PHAF1: variants seen among roughly 807,000 people sequenced by gnomAD.
The protein encoded by PHAF1 is phagophore assembly factor 1, also known as phagosome assembly factor 1.
In PHAF1, 23 loss-of-function variants were observed where a neutral mutation model predicts 63.1. The ratio of observed to expected loss-of-function variants is 0.36; its 90% CI spans 0.26 to 0.52. PHAF1 has a LOEUF of 0.52. Ranked by LOEUF, PHAF1 falls within the 20% of genes least tolerant of loss-of-function variation. The pLI, the probability that PHAF1 is intolerant of heterozygous loss-of-function variation, is 0.93. For missense variants in PHAF1, 427 were observed against 517.2 expected (o/e 0.83, Z 1.69); for synonymous variants, 167 against 185.0 (o/e 0.90, Z 0.79).
At chr16:67,113,926 C>T (rs1490369796) in intron 1 of PHAF1, among the ~76,000 whole-genome samples, 1 of 151,948 alleles carries the variant, frequency 6.6e-6, no homozygotes, top group African/African-American at 2.4e-5. Context: ...TGGTCTCGAA[C>T]TCCTGACTTC....
chr16:67,145,601 C>T lies in PHAF1; in HGVS notation c.1082C>T (p.Pro361Leu). The T allele has an allele frequency of 6.2e-7, 1 of 1,614,074 alleles. No homozygotes were observed. Among genetic ancestry groups the T allele is most frequent in the Non-Finnish European group, 8.5e-7 (1 of 1,179,978 alleles). Residue 361 changes from proline (P) to leucine (L), a missense_variant, in exon 14 of 16, where the codon CCT (proline) becomes CTT (leucine). Physicochemically the swap from Pro to Leu is moderately conservative, Grantham distance 98. Coordinates refer to ENST00000219139, the MANE Select transcript of PHAF1 (RefSeq NM_025187.5). ...AACATCCAGGAGCTCCTGGGCCACC[C>T]TGTGGAGAAGCCTGTTGTCCTGCAC... ...WDNIQELLGH[P>L]VEKPVVLHRS...
chr16:67,132,848 C>T lies in PHAF1; in HGVS notation c.387C>T (p.Leu129=), dbSNP rs767403797. The part of the protein sequence containing the change: ...VYNSAEQLFH[L]NFRGLSFSFQ... ...ACTCCGCTGAGCAGCTCTTCCATCT[C>T]AACTTCAGAGGACTGTCTTTCTCTT... is the stretch of plus-strand genomic sequence containing the variant. The change falls in exon 6 of 16, where the codon CTC becomes CTT. Residue 129 remains leucine, a synonymous_variant. Transcript: ENST00000219139. 1 of 1,613,868 alleles carries T rather than the reference C, an allele frequency of 6.2e-7. No homozygotes were observed. The highest frequency in any genetic ancestry group is 8.5e-7 in the Non-Finnish European group (1 of 1,179,716).
Position 67,146,315 on chromosome 16 carries a change from A to G in PHAF1, c.1147A>G (p.Thr383Ala), listed in dbSNP as rs753944826. ...SPNNTNPFGS[T>A]FCFGLQRMIF... ...AAACAACACCAACCCATTTGGTTCC[A>G]CATTCTGCTTTGGTCTTCAGCGAAT... Residue 383 changes from threonine (T) to alanine (A), a missense_variant, in exon 15 of 16, where the codon ACA becomes GCA. Thr to Ala is a moderately conservative substitution (Grantham distance 58). Transcript: ENST00000219139. The G allele has an allele frequency of 6.2e-7, 1 of 1,614,146 alleles. No individual in the cohort carries two copies. The highest frequency in any genetic ancestry group is 8.5e-7 in the Non-Finnish European group (1 of 1,180,004).
Position 67,147,684 on chromosome 16 carries a change from C to T in PHAF1, c.*553C>T, listed in dbSNP as rs569655856. On this transcript the variant is annotated 3_prime_UTR_variant, in exon 16 of 16. Transcript: ENST00000219139. ...TTCCTTTCTTGCACGCGCTCCCTGC[C>T]TGGGCACACCAAACTGGTTGAAACA... 1 of 153,320 alleles carries T rather than the reference C, an allele frequency of 6.5e-6. No homozygotes were observed. The highest frequency in any genetic ancestry group is 2.1e-4 in the South Asian group (1 of 4,866). The allele number at this position is 153,320 out of a possible 1,614,324, so 9.5% of individuals were successfully genotyped here.
At chr16:67,143,302 C>T (rs1236154686) in intron 10 of PHAF1, among the ~76,000 whole-genome samples, 1 of 152,142 alleles carries the variant, frequency 6.6e-6, no homozygotes, top group Non-Finnish European at 1.5e-5. Flanking sequence ...TTTGGGAGGC[C>T]AAGGTGGGTG....
At chr16:67,140,921 TCTTGAG>T (rs1005799436) in intron 10 of PHAF1, among the ~76,000 whole-genome samples, 4 of 152,194 alleles carry the variant, frequency 2.6e-5, no homozygotes, top group African/African-American at 9.6e-5. Context: ...AGGACCCTCT[TCTTGAG>T]TCACAAAATG....
At chr16:67,124,107 A>G (rs77247185) in intron 2 of PHAF1, among the ~76,000 whole-genome samples, 23 of 145,646 alleles carry the variant, frequency 1.6e-4, no homozygotes, top group Admixed American at 4.1e-4. Flanking sequence ...CAATGCCAGG[A>G]AAAAAAAAAA....
rs1963171807 is a variant in PHAF1, at chr16:67,125,965, C to G, written c.154C>G (p.Leu52Val). 6.2e-7 allele frequency: 1 copy of G among 1,610,110 alleles called. No homozygotes were observed. Among genetic ancestry groups the G allele is most frequent in the African/African-American group, 1.3e-5 (1 of 74,860 alleles). ...TTTTATTTTTGTTTTGTAGTCTCCT[C>G]TAAGCCATGACCTCATTCTTAACCT... The part of the protein sequence containing the change: ...VQVLYSEQSP[L>V]SHDLILNLTQ... The change falls in exon 3 of 16, where the codon CTA becomes GTA. Residue 52 changes from leucine (L) to valine (V), a missense_variant. By Grantham distance (32) the Leu-to-Val change is conservative (BLOSUM62 1). Coordinates refer to ENST00000219139, the MANE Select transcript of PHAF1 (RefSeq NM_025187.5).
chr16:67,129,096 CT>C (rs1963297166), intron 3 of PHAF1, among the ~76,000 whole-genome samples: 1 of 152,180 alleles, frequency 6.6e-6, no homozygotes, highest in African/African-American at 2.4e-5. Context: ...AGGCTCTGGC[CT>C]CAGTGAAATG....
chr16:67,131,688 C>T (rs1362376028), intron 4 of PHAF1, among the ~76,000 whole-genome samples: 1 of 152,182 alleles, frequency 6.6e-6, no homozygotes, highest in African/African-American at 2.4e-5. Context: ...GTGGGACAAA[C>T]CAGATAGGTC....
At chr16:67,132,626 C>T in intron 5 of PHAF1, 101 bp downstream of exon 5, 1 of 1,369,630 alleles carries the variant, frequency 7.3e-7, no homozygotes, top group South Asian at 1.2e-5. Flanking sequence ...AGTCAGGCTC[C>T]CATAGGATTG....
chr16:67,122,442 T>C (rs1963021040), intron 2 of PHAF1, among the ~76,000 whole-genome samples: 1 of 151,900 alleles, frequency 6.6e-6, no homozygotes, highest in Non-Finnish European at 1.5e-5. Flanking sequence ...AAATAAAAAA[T>C]TAACCTGGAG....
chr16:67,124,457 A>G lies in PHAF1; in HGVS notation c.148-1502A>G, dbSNP rs1963103649. 2.0e-5 allele frequency among the ~76,000 whole-genome samples: 3 copies of G among 152,362 alleles called. 1 individual carries two copies. The South Asian group carries it at 6.2e-4, about 32-fold the overall frequency. On this transcript the variant is annotated intron_variant, in intron 2 of 15. Transcript: ENST00000219139. ...GAAGGAAGCAACCTGCCCTAATCCC[A>G]AAAGACTCTTAGGAGAGAATTTCTC...
chr16:67,127,942 A>T (rs1371473113), intron 3 of PHAF1, among the ~76,000 whole-genome samples: 5 of 152,346 alleles, frequency 3.3e-5, no homozygotes, highest in Non-Finnish European at 7.3e-5. Context: ...TGGTAATGAG[A>T]AGCTGGAAGT....
chr16:67,131,854 A>C (rs1183766395), intron 4 of PHAF1: 1 of 152,328 alleles, frequency 6.6e-6, no homozygotes, highest in Non-Finnish European at 1.5e-5. Context: ...AAAATCTAGA[A>C]TACTCCTTCC....
At chr16:67,132,969 A>C in intron 6 of PHAF1, 58 bp downstream of exon 6, 1 of 1,368,272 alleles carries the variant, frequency 7.3e-7, no homozygotes, top group East Asian at 2.3e-5. Context: ...GGCTCAGCAG[A>C]TGGTGTCATG....
intron 1 of PHAF1, among the ~76,000 whole-genome samples, chr16:67,116,077 T>A (rs1247270066): frequency 1.3e-5 from 2 of 152,188 alleles, no homozygotes; most frequent in Non-Finnish European, 2.9e-5. Context: ...CTAACTGAGT[T>A]TCTCTGTCTT....
chr16:67,144,311 G>A lies in PHAF1; in HGVS notation c.897G>A (p.Ala299=), dbSNP rs145751886. ...TATCCCAGGACATCCTCTTTGATGCGAATACACACAAAGTGAAGAAGTTTG... is the reference window on the plus strand; with the variant it reads ...TATCCCAGGACATCCTCTTTGATGCAAATACACACAAAGTGAAGAAGTTTG... ...FTLGVDILFD[A]NTHKVKKFVL... The change falls in exon 11 of 16, where the codon GCG becomes GCA. Residue 299 remains alanine (A), a synonymous_variant. Coordinates refer to ENST00000219139, the MANE Select transcript of PHAF1 (RefSeq NM_025187.5). 9.6e-5 allele frequency: 154 copies of A among 1,611,380 alleles called. No homozygotes were observed. In the African/African-American group the frequency reaches 1.4e-3, roughly 15 times the overall value.
At chr16:67,128,051 GC>G (rs1963257033) in intron 3 of PHAF1, among the ~76,000 whole-genome samples, 3 of 152,090 alleles carry the variant, frequency 2.0e-5, no homozygotes, top group African/African-American at 7.2e-5. Flanking sequence ...TATATGCTAG[GC>G]ACATGGCTGG....
Sources: allele counts gnomAD v4.1 joint callset (sites outside exome capture counted in the v4.1 genomes callset), GRCh38; gene constraint gnomAD v4.1.1; transcripts MANE v1.5; gene names NCBI Gene and HGNC (gene_info 2026-07-23, HGNC 2026-07-21).